Variants in RRAS2 observed in about 807,000 individuals in gnomAD.
RRAS2 encodes ras-related protein R-Ras2.
A neutral mutation model predicts 27.6 loss-of-function variants in RRAS2; 7 were observed. The ratio of observed to expected loss-of-function variants is 0.25; its 90% CI spans 0.14 to 0.48. The LOEUF is 0.48. Among genes scored for constraint, RRAS2 ranks in the 20% least tolerant of loss-of-function variants. RRAS2 has a pLI of 0.99. For synonymous variants in RRAS2, 86 were observed against 90.9 expected, an observed-to-expected ratio of 0.95 and a Z score of 0.31; for missense variants, 178 against 256.2, an observed-to-expected ratio of 0.69 and a Z score of 2.08.
chr11:14,359,453 C>A (rs1399307237), upstream of RRAS2, among the ~76,000 whole-genome samples: 3 of 152,056 alleles, frequency 2.0e-5, no homozygotes, highest in African/African-American at 7.2e-5. Flanking sequence ...ACGGCGTGTG[C>A]GAAAAATAGG....
chr11:14,336,095 G>A (rs782245153), intron 1 of RRAS2, among the ~76,000 whole-genome samples: 2 of 152,144 alleles, frequency 1.3e-5, no homozygotes, highest in Non-Finnish European at 2.9e-5. Flanking sequence ...CATCCCAACT[G>A]GCCAGCATGA....
chr11:14,318,276 A>C (rs1554949791), intron 1 of RRAS2, among the ~76,000 whole-genome samples: 1 of 152,162 alleles, frequency 6.6e-6, no homozygotes, highest in African/African-American at 2.4e-5. Context: ...AAGCGGGTGG[A>C]TCACCTGAAG....
intron 4 of RRAS2, among the ~76,000 whole-genome samples, chr11:14,290,094 A>G (rs1293242674): frequency 2.0e-5 from 3 of 152,202 alleles, no homozygotes; most frequent in Non-Finnish European, 4.4e-5. Flanking sequence ...TTGACTTGGT[A>G]GAACAACGTA....
intron 1 of RRAS2, among the ~76,000 whole-genome samples, chr11:14,348,110 T>A (rs1457252671): frequency 6.6e-6 from 1 of 152,204 alleles, no homozygotes; most frequent in Non-Finnish European, 1.5e-5. Context: ...GTCCCCTTTA[T>A]GCTCTGCTTG....
intron 1 of RRAS2, among the ~76,000 whole-genome samples, chr11:14,348,269 G>A (rs1251469186): frequency 6.6e-6 from 1 of 152,104 alleles, no homozygotes; most frequent in Non-Finnish European, 1.5e-5. Context: ...TGGGCAAGTT[G>A]GTGTCAGATT....
intron 4 of RRAS2, among the ~76,000 whole-genome samples, chr11:14,292,933 C>A (rs956148851): frequency 1.3e-5 from 2 of 151,438 alleles, no homozygotes; most frequent in African/African-American, 2.4e-5. Flanking sequence ...TGGTGAAACC[C>A]CGTATCTACT....
intron 1 of RRAS2, among the ~76,000 whole-genome samples, chr11:14,337,649 CT>C (rs1282573627): frequency 6.6e-6 from 1 of 152,064 alleles, no homozygotes; most frequent in African/African-American, 2.4e-5. Context: ...ATAAATTAAA[CT>C]TTATCGTAGG....
chr11:14,299,582 T>C (rs1591453103), intron 1 of RRAS2, among the ~76,000 whole-genome samples: 1 of 152,234 alleles, frequency 6.6e-6, no homozygotes, highest in South Asian at 2.1e-4. Context: ...TTGTTCACCA[T>C]GCAAAGCCTC....
intron 1 of RRAS2, among the ~76,000 whole-genome samples, chr11:14,306,728 C>T (rs1554948124): frequency 1.3e-5 from 2 of 152,084 alleles, no homozygotes; most frequent in East Asian, 1.9e-4. Flanking sequence ...GTAACTATCC[C>T]TCTAACACCC....
At chr11:14,286,972 C>T (rs1310556961) in intron 4 of RRAS2, among the ~76,000 whole-genome samples, 4 of 152,134 alleles carry the variant, frequency 2.6e-5, no homozygotes, top group African/African-American at 9.7e-5. Flanking sequence ...ATATAAAATA[C>T]CCCTATGCCG....
chr11:14,357,013 C>T (rs1199400509), intron 1 of RRAS2, among the ~76,000 whole-genome samples: 4 of 151,900 alleles, frequency 2.6e-5, no homozygotes, highest in African/African-American at 9.7e-5. Flanking sequence ...GTCTGGAACT[C>T]CTGACCTCGT....
upstream of RRAS2, among the ~76,000 whole-genome samples, chr11:14,360,279 ACT>A (rs1849173322): frequency 6.6e-6 from 1 of 152,082 alleles, no homozygotes; most frequent in South Asian, 2.1e-4. Flanking sequence ...CATCTTGGAC[ACT>A]CAGCCTAATC....
chr11:14,279,550 G>T, intron 5 of RRAS2, 126 bp from the exon 6 acceptor site: 1 of 727,620 alleles, frequency 1.4e-6, no homozygotes, highest in Admixed American at 2.4e-5. Context: ...TTCAACGAGG[G>T]AATTTCTCTC....
chr11:14,348,147 T>C (rs898527416), intron 1 of RRAS2, among the ~76,000 whole-genome samples: 4 of 152,178 alleles, frequency 2.6e-5, no homozygotes, highest in Admixed American at 2.0e-4. Flanking sequence ...TTTCATTCAA[T>C]GCCTCGCTGA....
intron 1 of RRAS2, among the ~76,000 whole-genome samples, chr11:14,322,292 G>C (rs1848243787): frequency 6.8e-6 from 1 of 146,144 alleles, no homozygotes; most frequent in Non-Finnish European, 1.5e-5. Context: ...AAAAAAAAAT[G>C]AGCCCAGCAT....
At chr11:14,360,547 C>T (rs1439844861), upstream of RRAS2, among the ~76,000 whole-genome samples, 1 of 151,396 alleles carries the variant, frequency 6.6e-6, no homozygotes, top group Non-Finnish European at 1.5e-5. Flanking sequence ...ACTACAGGCA[C>T]ATGCCATCAA....
chr11:14,324,671 A>G (rs1015875568), intron 1 of RRAS2, among the ~76,000 whole-genome samples: 4 of 152,174 alleles, frequency 2.6e-5, no homozygotes, highest in Non-Finnish European at 4.4e-5. Flanking sequence ...TTTTCCCAGC[A>G]CCTAAAAAGT....
intron 1 of RRAS2, among the ~76,000 whole-genome samples, chr11:14,305,762 T>A (rs782616796): frequency 6.6e-6 from 1 of 152,160 alleles, no homozygotes; most frequent in Non-Finnish European, 1.5e-5. Context: ...AACTCAGTCT[T>A]GGCCGTGCGC....
chr11:14,297,868 T>C (rs1847595938), intron 1 of RRAS2, among the ~76,000 whole-genome samples: 1 of 152,174 alleles, frequency 6.6e-6, no homozygotes, highest in South Asian at 2.1e-4. Flanking sequence ...CAATGCATGA[T>C]GTATTGAACA....
Sources: gnomAD v4.1 joint callset for allele counts (sites outside exome capture counted in the v4.1 genomes callset) on GRCh38, gnomAD v4.1.1 for gene constraint, MANE v1.5 for transcripts, NCBI Gene and HGNC (gene_info 2026-07-23, HGNC 2026-07-21) for gene names.